Variants in ADGRL1 observed in about 807,000 individuals in gnomAD.
The protein encoded by ADGRL1 is adhesion G protein-coupled receptor L1.
A neutral mutation model predicts 148.9 loss-of-function variants in ADGRL1; 31 were observed. The ratio of observed to expected loss-of-function variants is 0.21; its 90% CI spans 0.16 to 0.28. The LOEUF (loss-of-function observed/expected upper bound fraction) is 0.28, where lower values mean the gene tolerates loss of function less well. ADGRL1 is among the 10% of genes least tolerant of loss of function. The probability of loss-of-function intolerance (pLI) is 1.00; values close to 1 mark genes in which losing one functional copy is unlikely to be tolerated. For missense variants in ADGRL1, 1,521 were observed against 2,058.8 expected (o/e 0.74, Z 5.05); for synonymous variants, 937 against 900.3 (o/e 1.04, Z -0.73).
In ADGRL1 at chr19:14,190,257, C is replaced by T. The variant is rs1447393482; in HGVS notation, c.-95-6560G>A. On this transcript the variant is annotated intron_variant, in intron 1 of 22. Coordinates refer to ENST00000361434, the MANE Select transcript of ADGRL1 (RefSeq NM_014921.5). The stretch of plus-strand genomic sequence containing the variant: ...ATTAATTATAGTCACCATGCTGTAC[C>T]TTAGGTCTCTGGAACTTTTTTCTTT... 2.6e-5 allele frequency among the ~76,000 whole-genome samples: 4 copies of T among 151,508 alleles called. No homozygotes were observed. In the East Asian group the frequency reaches 7.8e-4, roughly 30 times the overall value.
chr19:14,173,211 T>C (rs966280531), intron 3 of ADGRL1, among the ~76,000 whole-genome samples: 3 of 152,180 alleles, frequency 2.0e-5, no homozygotes, highest in Admixed American at 2.0e-4. Context: ...TCTACCCGTC[T>C]CGACCTCCCA....
At position 14,183,595 on chromosome 19, in the gene ADGRL1, C is replaced by T. The variant is rs777145506; in HGVS notation, c.8G>A (p.Arg3His). 1.0e-5 allele frequency: 16 copies of T among 1,577,228 alleles called. No individual in the cohort carries two copies. Among genetic ancestry groups the T allele is most frequent in the Admixed American group, 1.8e-5 (1 of 54,850 alleles). ...CAGATTCCAGAGCACTGCGGCTAGGCGGGCCATGGTGGCAGCCGGGTGCGT... is the reference window on the plus strand; with the variant it reads ...CAGATTCCAGAGCACTGCGGCTAGGTGGGCCATGGTGGCAGCCGGGTGCGT... MA[R>H]LAAVLWNLCV... Residue 3 changes from arginine (R) to histidine (H), a missense_variant, in exon 2 of 23, where the codon CGC (arginine) becomes CAC (histidine). This residue lies in a region of ADGRL1 where 334 missense variants were observed against 512.5 expected (regional missense o/e 0.65). Coordinates refer to ENST00000361434, the MANE Select transcript of ADGRL1 (RefSeq NM_014921.5).
chr19:14,149,495 C>T lies in ADGRL1; in HGVS notation c.*1378G>A, dbSNP rs1411332790. The T allele has an allele frequency of 6.5e-6, 1 of 152,946 alleles. No homozygotes were observed. Among genetic ancestry groups the T allele is most frequent in the Non-Finnish European group, 1.5e-5 (1 of 68,284 alleles). The allele number at this position is 152,946 out of a possible 1,614,324, so 9.5% of individuals were successfully genotyped here. A position where few individuals can be genotyped will look rare whatever the true frequency, so the allele number is the denominator to read the frequency against. ...TCTTCCCCGGCGAGAGTCCCCAGAGCAATATACAAGAAGCAGGAACTCAAA... is the reference window on the plus strand; with the variant it reads ...TCTTCCCCGGCGAGAGTCCCCAGAGTAATATACAAGAAGCAGGAACTCAAA... On this transcript the variant is annotated 3_prime_UTR_variant, in exon 23 of 23. Coordinates refer to ENST00000361434, the MANE Select transcript of ADGRL1 (RefSeq NM_014921.5).
Position 14,156,112 on chromosome 19 carries a change from A to G in ADGRL1, c.3123T>C (p.Ile1041=). The G allele has an allele frequency of 6.2e-7, 1 of 1,608,416 alleles. No homozygotes were observed. The highest frequency in any genetic ancestry group is 2.2e-5 in the East Asian group (1 of 44,598). ...GGGCAGGCAGGGGCGAGGCTCACTT[A>G]ATGTTGTCCAGGCGGCTGGAGTCGG... ...LKPDSSRLDN[I]KSWALGAIAL... The change falls in exon 17 of 23, where the codon ATT becomes ATC. Residue 1041 remains isoleucine (I), a splice_region_variant and synonymous_variant. Coordinates refer to ENST00000361434, the MANE Select transcript of ADGRL1 (RefSeq NM_014921.5).
Position 14,162,109 on chromosome 19 carries a change from C to T in ADGRL1, c.1196-483G>A, listed in dbSNP as rs142337147. Among the ~76,000 whole-genome samples the T allele has an allele frequency of 6.6e-6, 1 of 152,188 alleles. No individual in the cohort carries two copies. Among genetic ancestry groups the T allele is most frequent in the Admixed American group, 6.5e-5 (1 of 15,284 alleles). On this transcript the variant is annotated intron_variant, in intron 5 of 22. Coordinates refer to ENST00000361434, the MANE Select transcript of ADGRL1 (RefSeq NM_014921.5). The surrounding 1 kb of genome is among the most constrained non-coding windows in gnomAD (Gnocchi z 5.4). ...TTTTGCAAACAAGATGGGGTTAGATCGGGCTCCCTGGAGCCCTGGGGTGGC... is the reference window on the plus strand; with the variant it reads ...TTTTGCAAACAAGATGGGGTTAGATTGGGCTCCCTGGAGCCCTGGGGTGGC...
chr19:14,158,279 G>T, intron 12 of ADGRL1, 59 bp downstream of exon 12: 1 of 1,548,430 alleles, frequency 6.5e-7, no homozygotes, highest in Non-Finnish European at 8.9e-7. Context: ...CAGGTACACA[G>T]CCTGGGAACA....
In ADGRL1 at chr19:14,170,753, G is replaced by A. The variant is rs768503753; in HGVS notation, c.323C>T (p.Ser108Leu). The change falls in exon 4 of 23, where the codon TCG becomes TTG. Residue 108 changes from serine to leucine, a missense_variant. This residue lies in a region of ADGRL1 where 334 missense variants were observed against 512.5 expected (regional missense o/e 0.65). Transcript: ENST00000361434. ...AGGACAGGGGTCAGGAAAGGCATCC[G>A]AGCCGGCGACCACCACGCACTGGGT... ...NRTQCVVVAG[S>L]DAFPDPCPGT... The A allele has an allele frequency of 1.2e-5, 19 of 1,612,538 alleles. No homozygotes were observed. Among genetic ancestry groups the A allele is most frequent in the South Asian group, 2.2e-5 (2 of 90,988 alleles).
chr19:14,151,612 T>G lies in ADGRL1; in HGVS notation c.3671A>C (p.His1224Pro), dbSNP rs1248725700. Reference protein sequence around the residue: ...NSPGSYREPKHPLGGREACGM... With the variant: ...NSPGSYREPKPPLGGREACGM... ...ACAGGCTTCCCGGCCTCCCAAGGGGTGCTCTGCAGGGCAGAAAGGGGCTGG... is the reference window on the plus strand; with the variant it reads ...ACAGGCTTCCCGGCCTCCCAAGGGGGGCTCTGCAGGGCAGAAAGGGGCTGG... Residue 1224 changes from histidine (H) to proline (P), a missense_variant, in exon 23 of 23, where the codon CAC becomes CCC. His to Pro is a moderately conservative substitution (Grantham distance 77). Coordinates refer to ENST00000361434, the MANE Select transcript of ADGRL1 (RefSeq NM_014921.5). 2 of 1,594,428 alleles carry G rather than the reference T, an allele frequency of 1.3e-6. No homozygotes were observed. The highest frequency in any genetic ancestry group is 2.2e-5 in the South Asian group (2 of 89,682).
chr19:14,172,771 A>G (rs1970566649), intron 3 of ADGRL1, among the ~76,000 whole-genome samples: 1 of 151,930 alleles, frequency 6.6e-6, no homozygotes, highest in South Asian at 2.1e-4. Flanking sequence ...ATGAAATCTC[A>G]TGCTGTATGG....
rs1463549147 is a variant in ADGRL1, at chr19:14,202,823, C to A, written c.-96+3162G>T. ...CCTGCCTCCCCCAGCATGACCACCC[C>A]CTCTGCAAAACACAAACACCAGCAC... On this transcript the variant is annotated intron_variant, in intron 1 of 22. Transcript: ENST00000361434. 2.6e-5 allele frequency among the ~76,000 whole-genome samples: 4 copies of A among 152,024 alleles called. 1 individual carries two copies. The South Asian group carries it at 6.2e-4, about 24-fold the overall frequency.
intron 1 of ADGRL1, among the ~76,000 whole-genome samples, chr19:14,189,290 G>A (rs1297481468): frequency 1.4e-5 from 2 of 147,668 alleles, no homozygotes; most frequent in African/African-American, 2.5e-5. Flanking sequence ...GCCCAATCTC[G>A]GCTCACTGTA....
chr19:14,193,343 TTGGGAGGCCAAGG>T lies in ADGRL1; in HGVS notation c.-95-9659_-95-9647del, dbSNP rs553476027. On this transcript the variant is annotated intron_variant, in intron 1 of 22. Coordinates refer to ENST00000361434, the MANE Select transcript of ADGRL1 (RefSeq NM_014921.5). Reference sequence around the variant, plus strand: ...GGCTCACACCTACAACCCCAGTACTTTGGGAGGCCAAGGTGGGAGGATCACTTGAGCCCTGGAG... The same window carrying T: ...GGCTCACACCTACAACCCCAGTACTTTGGGAGGATCACTTGAGCCCTGGAG... Among the ~76,000 whole-genome samples the T allele has an allele frequency of 5.0e-3, 751 of 148,874 alleles. 13 individuals are homozygous for T. The highest frequency in any genetic ancestry group is 0.018 in the African/African-American group (714 of 40,200).
intron 1 of ADGRL1, among the ~76,000 whole-genome samples, chr19:14,197,947 G>A (rs1418612609): frequency 6.6e-6 from 1 of 152,184 alleles, no homozygotes; most frequent in African/African-American, 2.4e-5. Context: ...TTGACAGGGG[G>A]TATACATGTA....
At chr19:14,204,546 C>T (rs1245811715) in intron 1 of ADGRL1, among the ~76,000 whole-genome samples, 1 of 151,986 alleles carries the variant, frequency 6.6e-6, no homozygotes, top group Non-Finnish European at 1.5e-5. Context: ...AATGGTCTGT[C>T]CCCAAACAGC....
At chr19:14,186,395 T>C (rs79003250) in intron 1 of ADGRL1, among the ~76,000 whole-genome samples, 2,920 of 131,078 alleles carry the variant, frequency 0.022, no homozygotes, top group South Asian at 0.055. Flanking sequence ...GCCTGGCACG[T>C]GGCAATGAAT....
In ADGRL1 at chr19:14,152,634, T is replaced by A. The variant is rs1231125550; in HGVS notation, c.3424-21A>T. 6.2e-7 allele frequency: 1 copy of A among 1,611,090 alleles called. No homozygotes were observed. The highest frequency in any genetic ancestry group is 8.5e-7 in the Non-Finnish European group (1 of 1,177,666). On this transcript the variant is annotated intron_variant, in intron 19 of 22. Transcript: ENST00000361434. This position sits in a 1 kb window ranked among gnomAD's most constrained non-coding sequence, Gnocchi z 6.1. ...CGGCTCTGGGAACACAACCCAAATG[T>A]GAGGGGATCCTTGGGCCACCCACCC... is the stretch of plus-strand genomic sequence containing the variant.
chr19:14,154,548 C>T (rs1248470070), intron 18 of ADGRL1, among the ~76,000 whole-genome samples: 1 of 151,988 alleles, frequency 6.6e-6, no homozygotes, highest in Non-Finnish European at 1.5e-5. Flanking sequence ...CCTCAGCCTC[C>T]CAAAGTGCTG....
Position 14,162,332 on chromosome 19 carries a change from A to G in ADGRL1, c.1195+274T>C, listed in dbSNP as rs901541101. Among the ~76,000 whole-genome samples the G allele has an allele frequency of 6.6e-6, 1 of 152,176 alleles. No individual in the cohort carries two copies. The highest frequency in any genetic ancestry group is 2.4e-5 in the African/African-American group (1 of 41,436). ...GTTCAGTGGTTGGGAGGCTGGGTTC[A>G]AATCCTCAAATAACTTAATCCCCTA... On this transcript the variant is annotated intron_variant, in intron 5 of 22. Coordinates refer to ENST00000361434, the MANE Select transcript of ADGRL1 (RefSeq NM_014921.5). The surrounding 1 kb of genome is among the most constrained non-coding windows in gnomAD (Gnocchi z 5.4).
Position 14,160,578 on chromosome 19 carries a change from G to A in ADGRL1, c.1614+15C>T. Reference sequence around the variant, plus strand: ...CGAGCACATGTGCCTGCCTGCGAGGGGTGGTGGCTGGTACCTTCTGGGCCA... The same window carrying A: ...CGAGCACATGTGCCTGCCTGCGAGGAGTGGTGGCTGGTACCTTCTGGGCCA... On this transcript the variant is annotated intron_variant, in intron 7 of 22. Transcript: ENST00000361434. This position sits in a 1 kb window ranked among gnomAD's most constrained non-coding sequence, Gnocchi z 5.9. 3 of 1,574,934 alleles carry A rather than the reference G, an allele frequency of 1.9e-6. No individual in the cohort carries two copies. Among genetic ancestry groups the A allele is most frequent in the Non-Finnish European group, 2.6e-6 (3 of 1,155,842 alleles).
Sources: allele counts gnomAD v4.1 joint callset (sites outside exome capture counted in the v4.1 genomes callset), GRCh38; gene constraint gnomAD v4.1.1; regional missense constraint gnomAD v4.1.1; non-coding constraint Gnocchi (gnomAD v3.1); transcripts MANE v1.5; gene names NCBI Gene and HGNC (gene_info 2026-07-23, HGNC 2026-07-21).